The following RELN variants were observed in gnomAD, a reference collection of about 807,000 sequenced individuals.
RELN encodes reelin.
Under a neutral mutation model 427.6 loss-of-function variants are expected in RELN, and 108 were observed. The observed-to-expected ratio is 0.25, with a 90% confidence interval of 0.22 to 0.30. RELN has a LOEUF of 0.30. Ranked by LOEUF, RELN falls within the 10% of genes least tolerant of loss-of-function variation. The pLI is 1.00. For synonymous variants in RELN, 1,524 were observed against 1,513.4 expected (o/e 1.01, Z -0.16); for missense variants, 3,715 against 4,302.8 (o/e 0.86, Z 3.82).
chr7:103,495,717 C>G lies in RELN; in HGVS notation c.9369+6G>C, dbSNP rs770317549. 2.5e-6 allele frequency: 4 copies of G among 1,613,834 alleles called. No homozygotes were observed. The highest frequency in any genetic ancestry group is 3.4e-6 in the Non-Finnish European group (4 of 1,179,948). On this transcript the variant is annotated splice_donor_region_variant and intron_variant, in intron 57 of 64. Transcript: ENST00000428762. Reference sequence around the variant, plus strand: ...CTTTCTGTTTTAAAGAGCCACTTTTCCTTACTTTAAACTGCATCATGTATC... The same window carrying G: ...CTTTCTGTTTTAAAGAGCCACTTTTGCTTACTTTAAACTGCATCATGTATC...
intron 17 of RELN, among the ~76,000 whole-genome samples, chr7:103,637,663 G>A (rs1562934287): frequency 6.6e-6 from 1 of 152,152 alleles, no homozygotes. Flanking sequence ...GGGATGAAAG[G>A]AAAGCCAATA....
intron 64 of RELN, among the ~76,000 whole-genome samples, chr7:103,474,910 A>G (rs1827980968): frequency 1.3e-5 from 2 of 152,100 alleles, no homozygotes; most frequent in Non-Finnish European, 2.9e-5. Context: ...CTACACATAC[A>G]TGCAGTTGAT....
intron 2 of RELN, among the ~76,000 whole-genome samples, chr7:103,907,484 A>G (rs1795239579): frequency 6.6e-6 from 1 of 151,004 alleles, no homozygotes; most frequent in Admixed American, 6.6e-5. Context: ...TTCCACTTAA[A>G]TGAAATGTCC....
At position 103,603,372 on chromosome 7, in the gene RELN, C is replaced by G. The variant is rs776544367; in HGVS notation, c.3265G>C (p.Gly1089Arg). The part of the protein sequence containing the change: ...WESDWQEVIG[G>R]EIVKPEQGCG... ...CCTTGTTCTGGTTTTACAATTTCTC[C>G]CCCAATAACTTCTTGCCAGTCAGAC... is the stretch of plus-strand genomic sequence containing the variant. Residue 1089 changes from glycine (G) to arginine (R), a missense_variant, in exon 24 of 65, where the codon GGA becomes CGA. Gly to Arg is a moderately radical substitution (Grantham distance 125). Around this residue, in one of 4 missense-constraint regions of RELN, gnomAD observed 2,208 missense variants for 2,361.7 expected, o/e 0.93. Coordinates refer to ENST00000428762, the MANE Select transcript of RELN (RefSeq NM_005045.4). The surrounding 1 kb of genome is among the most constrained non-coding windows in gnomAD (Gnocchi z 4.3). 6.2e-7 allele frequency: 1 copy of G among 1,613,828 alleles called. No individual in the cohort carries two copies. Among genetic ancestry groups the G allele is most frequent in the Non-Finnish European group, 8.5e-7 (1 of 1,179,804 alleles).
chr7:103,882,072 C>T (rs191012291), intron 2 of RELN, among the ~76,000 whole-genome samples: 287 of 152,254 alleles, frequency 1.9e-3, no homozygotes, highest in Non-Finnish European at 2.8e-3. Context: ...TGTATTCTTT[C>T]TACCTTATTT....
intron 1 of RELN, among the ~76,000 whole-genome samples, chr7:103,939,325 GAAAAT>G (rs1796060176): frequency 6.6e-6 from 1 of 151,994 alleles, no homozygotes; most frequent in African/African-American, 2.4e-5. Flanking sequence ...TGATTAGATA[GAAAAT>G]AAATAGAAAA....
chr7:103,733,112 A>T (rs1487039649), intron 6 of RELN, among the ~76,000 whole-genome samples: 2 of 152,184 alleles, frequency 1.3e-5, no homozygotes, highest in Non-Finnish European at 2.9e-5. Flanking sequence ...AAACAACCCC[A>T]TCAAAAAGTG....
chr7:103,972,598 A>T (rs1185096644), intron 1 of RELN, among the ~76,000 whole-genome samples: 1 of 152,132 alleles, frequency 6.6e-6, no homozygotes, highest in Non-Finnish European at 1.5e-5. Flanking sequence ...TGGCCATCTG[A>T]CTTCTGTTTG....
chr7:103,859,346 T>G (rs1453700973), intron 2 of RELN, among the ~76,000 whole-genome samples: 1 of 152,088 alleles, frequency 6.6e-6, no homozygotes, highest in East Asian at 1.9e-4. Flanking sequence ...CAGGCTGGAG[T>G]GCAGTGGTGC....
At chr7:103,932,308 T>C (rs1416311327) in intron 1 of RELN, among the ~76,000 whole-genome samples, 1 of 152,132 alleles carries the variant, frequency 6.6e-6, no homozygotes, top group Non-Finnish European at 1.5e-5. Flanking sequence ...ATACTGTGTG[T>C]TTTGACTTAT....
intron 10 of RELN, among the ~76,000 whole-genome samples, chr7:103,686,889 A>C (rs1206265630): frequency 6.6e-6 from 1 of 152,154 alleles, no homozygotes; most frequent in Non-Finnish European, 1.5e-5. Context: ...CCACACATTC[A>C]ATTTCTAAGA....
rs116020911 is a variant in RELN, at chr7:103,871,573, T to G, written c.338-37901A>C. Among the ~76,000 whole-genome samples the G allele has an allele frequency of 4.1e-3, 624 of 152,198 alleles. 3 individuals carry two copies. Among genetic ancestry groups the G allele is most frequent in the Middle Eastern group, 0.02 (6 of 294 alleles). On this transcript the variant is annotated intron_variant, in intron 2 of 64. Transcript: ENST00000428762. Reference sequence around the variant, plus strand: ...GACCACTTTGCCTCAGTGACTTAGTTGTTTACTGGCATACTGCAGACCATG... The same window carrying G: ...GACCACTTTGCCTCAGTGACTTAGTGGTTTACTGGCATACTGCAGACCATG...
At chr7:103,612,653 C>G (rs1052471487) in intron 20 of RELN, among the ~76,000 whole-genome samples, 9 of 152,148 alleles carry the variant, frequency 5.9e-5, no homozygotes, top group African/African-American at 2.2e-4. Flanking sequence ...TGTTTGGTGG[C>G]AGGAAATTTG....
intron 2 of RELN, among the ~76,000 whole-genome samples, chr7:103,855,809 T>A (rs1357704243): frequency 6.6e-6 from 1 of 152,144 alleles, no homozygotes; most frequent in Non-Finnish European, 1.5e-5. Flanking sequence ...TCTCCCTGTA[T>A]CTCTGTATCC....
rs144438294 is a variant in RELN at position 103,735,606 on chromosome 7, T to C, written c.657-7399A>G. 5.4e-4 allele frequency among the ~76,000 whole-genome samples: 82 copies of C among 152,268 alleles called. 1 individual carries two copies. The highest frequency in any genetic ancestry group is 1.8e-3 in the African/African-American group (74 of 41,546). On this transcript the variant is annotated intron_variant, in intron 6 of 64. Transcript: ENST00000428762. The stretch of plus-strand genomic sequence containing the variant: ...TTGATAACAATAAATAACTGAAATA[T>C]TGTTTTCTCAAGAGCAGTCTAATGG...
chr7:103,592,233 A>G (rs1472337030), intron 27 of RELN, among the ~76,000 whole-genome samples: 5 of 151,842 alleles, frequency 3.3e-5, no homozygotes, highest in Non-Finnish European at 7.4e-5. Context: ...CTGTTCCCCT[A>G]CGTGTCCATG....
At chr7:103,962,764 C>A (rs891743199) in intron 1 of RELN, among the ~76,000 whole-genome samples, 1 of 151,946 alleles carries the variant, frequency 6.6e-6, no homozygotes, top group African/African-American at 2.4e-5. Flanking sequence ...TTCTGAATGT[C>A]ATAGAACACA....
intron 7 of RELN, among the ~76,000 whole-genome samples, 155 bp from the exon 8 acceptor site, chr7:103,723,346 T>C (rs1361673341): frequency 1.3e-5 from 2 of 152,222 alleles, no homozygotes; most frequent in Non-Finnish European, 2.9e-5. Flanking sequence ...GTTCATTTTA[T>C]CAATGTGTCT....
intron 63 of RELN, among the ~76,000 whole-genome samples, chr7:103,478,869 A>T (rs1015755655): frequency 1.3e-5 from 2 of 152,216 alleles, no homozygotes; most frequent in African/African-American, 4.8e-5. Flanking sequence ...CAAATGTAAT[A>T]TGCTCATTTC....
Sources: allele counts gnomAD v4.1 joint callset (sites outside exome capture counted in the v4.1 genomes callset), GRCh38; gene constraint gnomAD v4.1.1; regional missense constraint gnomAD v4.1.1; non-coding constraint Gnocchi (gnomAD v3.1); transcripts MANE v1.5; gene names NCBI Gene and HGNC (gene_info 2026-07-23, HGNC 2026-07-21).